EMID1: variants seen among roughly 807,000 people sequenced by gnomAD.
EMID1 encodes EMI domain containing 1.
EMID1 carries 40 observed loss-of-function variants against 60.6 expected under a neutral mutation model. That is an observed-to-expected ratio of 0.66 (90% confidence interval 0.51 to 0.86). The LOEUF (loss-of-function observed/expected upper bound fraction) is 0.86, where lower values mean the gene tolerates loss of function less well. Among genes scored for constraint, EMID1 ranks in the 40% least tolerant of loss-of-function variants. The pLI, the probability that EMID1 is intolerant of heterozygous loss-of-function variation, is 0.00. For missense variants in EMID1, 585 were observed against 597.1 expected (o/e 0.98, Z 0.21); for synonymous variants, 242 against 231.0 (o/e 1.05, Z -0.43).
chr22:29,246,467 C>T (rs765048600), intron 13 of EMID1, among the ~76,000 whole-genome samples: 10 of 151,942 alleles, frequency 6.6e-5, no homozygotes, highest in East Asian at 1.9e-4. Context: ...GAGACTGAGC[C>T]GGGCAGTGGG....
chr22:29,223,315 G>A (rs904389084), intron 3 of EMID1, among the ~76,000 whole-genome samples: 18 of 152,230 alleles, frequency 1.2e-4, no homozygotes, highest in Admixed American at 6.5e-5. Flanking sequence ...CAGAGTAGAG[G>A]GGAGGGCAGA....
intron 1 of EMID1, 73 bp downstream of exon 1, chr22:29,206,212 G>A: frequency 8.8e-7 from 1 of 1,134,686 alleles, no homozygotes; most frequent in Non-Finnish European, 1.1e-6. Context: ...CCTCCAGGAA[G>A]GGCTGGGATT....
In EMID1 at chr22:29,258,853, C is replaced by T. The variant is rs947929699; in HGVS notation, c.1241C>T (p.Thr414Ile). ...ELGSGAGPAGTGTPSLLRGKR... is the reference protein window; with the variant it reads ...ELGSGAGPAGIGTPSLLRGKR... ...GGGTCTGGGGCGGGCCCTGCCGGCACAGGCACCCCCAGCCTCCTTCGGGGC... is the reference window on the plus strand; with the variant it reads ...GGGTCTGGGGCGGGCCCTGCCGGCATAGGCACCCCCAGCCTCCTTCGGGGC... The change falls in exon 15 of 15, where the codon ACA (threonine) becomes ATA (isoleucine). Residue 414 changes from threonine (T) to isoleucine (I), a missense_variant. Coordinates refer to ENST00000334018, the MANE Select transcript of EMID1 (RefSeq NM_133455.4). 2 of 1,612,930 alleles carry T rather than the reference C, an allele frequency of 1.2e-6. No individual in the cohort carries two copies. Among genetic ancestry groups the T allele is most frequent in the African/African-American group, 2.7e-5 (2 of 74,902 alleles).
At chr22:29,254,551 C>T (rs2146465482) in intron 14 of EMID1, 1 of 418,474 alleles carries the variant, frequency 2.4e-6, no homozygotes, top group Non-Finnish European at 4.4e-6. Context: ...AGTGTGGTTT[C>T]TAGGCCTGCA....
intron 3 of EMID1, among the ~76,000 whole-genome samples, chr22:29,220,456 G>A (rs1201472336): frequency 6.6e-6 from 1 of 152,080 alleles, no homozygotes; most frequent in Non-Finnish European, 1.5e-5. Context: ...TCTGGTCACT[G>A]GAAGCAAATA....
intron 6 of EMID1, 148 bp from the exon 7 acceptor site, chr22:29,231,445 C>A (rs748534242): frequency 1.0e-5 from 9 of 901,362 alleles, no homozygotes; most frequent in South Asian, 1.4e-5. Context: ...TCTGCCTACC[C>A]CCCCCACCCC....
At chr22:29,239,423 G>A (rs906300334) in intron 12 of EMID1, among the ~76,000 whole-genome samples, 4 of 151,776 alleles carry the variant, frequency 2.6e-5, no homozygotes, top group Non-Finnish European at 2.9e-5. Flanking sequence ...GAGCCACCAC[G>A]CCCAGGCCTT....
At chr22:29,221,422 T>C (rs903425184) in intron 3 of EMID1, among the ~76,000 whole-genome samples, 1 of 152,220 alleles carries the variant, frequency 6.6e-6, no homozygotes, top group African/African-American at 2.4e-5. Flanking sequence ...TCGCCCAGGC[T>C]GGAGTGCAGT....
chr22:29,246,156 G>T (rs1032518875), intron 13 of EMID1, among the ~76,000 whole-genome samples: 6 of 152,204 alleles, frequency 3.9e-5, no homozygotes, highest in Non-Finnish European at 5.9e-5. Flanking sequence ...GGTACAACAG[G>T]TGCAAAGGCC....
At chr22:29,224,678 G>T in intron 3 of EMID1, among the ~76,000 whole-genome samples, 1 of 152,246 alleles carries the variant, frequency 6.6e-6, no homozygotes, top group East Asian at 1.9e-4. Context: ...CAGTCCCTGT[G>T]TGTGCACAGT....
intron 13 of EMID1, among the ~76,000 whole-genome samples, chr22:29,244,553 C>T (rs1414041623): frequency 6.6e-6 from 1 of 151,548 alleles, no homozygotes; most frequent in Non-Finnish European, 1.5e-5. Flanking sequence ...GCAGGGGAAT[C>T]GCTTGAACCC....
chr22:29,252,108 G>A (rs551422263), intron 13 of EMID1, among the ~76,000 whole-genome samples: 1 of 152,306 alleles, frequency 6.6e-6, no homozygotes, highest in African/African-American at 2.4e-5. Context: ...TGTGCCTAGC[G>A]AAGGTCATTC....
intron 14 of EMID1, among the ~76,000 whole-genome samples, chr22:29,257,651 C>T (rs949523197): frequency 4.6e-5 from 7 of 152,208 alleles, no homozygotes; most frequent in Admixed American, 6.5e-5. Flanking sequence ...TGGGTGGAAG[C>T]GACACCAACC....
chr22:29,257,221 T>A (rs1220580100), intron 14 of EMID1, among the ~76,000 whole-genome samples: 2 of 151,886 alleles, frequency 1.3e-5, no homozygotes, highest in Non-Finnish European at 2.9e-5. Flanking sequence ...GACTGGGAAA[T>A]GGGACAGGGA....
intron 12 of EMID1, among the ~76,000 whole-genome samples, chr22:29,242,541 T>G (rs1021793924): frequency 3.3e-5 from 5 of 152,218 alleles, no homozygotes; most frequent in African/African-American, 1.2e-4. Flanking sequence ...CTCTTGAATA[T>G]AGGTCACATT....
rs3066719 is a variant in EMID1 at position 29,238,254 on chromosome 22, AATTATTATTATTATTATTATTATT to A, written c.1074+3931_1074+3954del. Among the ~76,000 whole-genome samples, 4 of 116,682 alleles carry A rather than the reference AATTATTATTATTATTATTATTATT, an allele frequency of 3.4e-5. 1 individual carries two copies. The highest frequency in any genetic ancestry group is 1.1e-4 in the African/African-American group (3 of 26,482). The allele number at this position is 116,682 out of a possible 152,430, so 76.5% of individuals were successfully genotyped here. A position where few individuals can be genotyped will look rare whatever the true frequency, so the allele number is the denominator to read the frequency against. On this transcript the variant is annotated intron_variant, in intron 12 of 14. Coordinates refer to ENST00000334018, the MANE Select transcript of EMID1 (RefSeq NM_133455.4). Reference sequence around the variant, plus strand: ...TTTGATTCTCTGAAGTTTTTCTAAAAATTATTATTATTATTATTATTATTATTATTATTATTATTATTATTATTA... The same window carrying A: ...TTTGATTCTCTGAAGTTTTTCTAAAAATTATTATTATTATTATTATTATTA...
At chr22:29,216,266 G>A in intron 3 of EMID1, 1 of 981,050 alleles carries the variant, frequency 1.0e-6, no homozygotes, top group Non-Finnish European at 1.2e-6. Context: ...GAGGCAGCCT[G>A]GGCCTCCCAG....
chr22:29,234,711 T>A (rs2040879492), intron 12 of EMID1, among the ~76,000 whole-genome samples: 1 of 152,242 alleles, frequency 6.6e-6, no homozygotes, highest in Non-Finnish European at 1.5e-5. Context: ...GCATTCACAT[T>A]TAGTATTTTA....
chr22:29,208,920 T>G (rs1273998874), intron 1 of EMID1, among the ~76,000 whole-genome samples: 2 of 152,224 alleles, frequency 1.3e-5, no homozygotes. Context: ...GAAATTCTGC[T>G]GTCCCCATTT....
Sources: gnomAD v4.1 joint callset for allele counts (sites outside exome capture counted in the v4.1 genomes callset) on GRCh38, gnomAD v4.1.1 for gene constraint, MANE v1.5 for transcripts, NCBI Gene and HGNC (gene_info 2026-07-23, HGNC 2026-07-21) for gene names.